The following LRRC56 variants were observed in gnomAD, a reference collection of about 807,000 sequenced individuals.
LRRC56 encodes leucine rich repeat containing 56.
In LRRC56, 41 loss-of-function variants were observed where a neutral mutation model predicts 47.8. The ratio of observed to expected loss-of-function variants is 0.86; its 90% CI spans 0.67 to 1.11. The LOEUF is 1.11. LRRC56 is among the 50% of genes most tolerant of loss of function. LRRC56 has a pLI of 0.00. For missense variants in LRRC56, 759 were observed against 704.2 expected (o/e 1.08, Z -0.88); for synonymous variants, 387 against 311.2 (o/e 1.24, Z -2.56).
chr11:553,315 G>A (rs1363194789), intron 13 of LRRC56, among the ~76,000 whole-genome samples: 2 of 152,136 alleles, frequency 1.3e-5, no homozygotes, highest in East Asian at 1.9e-4. Context: ...GCGACCCCAC[G>A]GTGGGCAGCT....
chr11:546,241 C>A (rs932404895), intron 6 of LRRC56, among the ~76,000 whole-genome samples: 24 of 151,654 alleles, frequency 1.6e-4, no homozygotes, highest in African/African-American at 5.6e-4. Flanking sequence ...CCACTACACT[C>A]CAGCCGGGGC....
rs947648107 is a variant in LRRC56, at chr11:537,624, C to T, written c.-422+19C>T. On this transcript the variant is annotated intron_variant, in intron 1 of 13. Coordinates refer to ENST00000270115, the MANE Select transcript of LRRC56 (RefSeq NM_198075.4). ...CCCTCAGGTGAGAGCCGAGCGCACC[C>T]TTGGGGTGGGAGCCGCAAGCCTCGC... 6.6e-6 allele frequency: 1 copy of T among 152,070 alleles called. No homozygotes were observed. The highest frequency in any genetic ancestry group is 1.5e-5 in the Non-Finnish European group (1 of 67,938). The allele number at this position is 152,070 out of a possible 1,614,324, so 9.4% of individuals were successfully genotyped here.
chr11:548,787 G>A (rs908112367), intron 6 of LRRC56, among the ~76,000 whole-genome samples: 1 of 152,092 alleles, frequency 6.6e-6, no homozygotes, highest in Non-Finnish European at 1.5e-5. Context: ...CAGAAATAAC[G>A]AAGTGCTCCT....
At chr11:524,679 A>C in the LRRC56 span, among the ~76,000 whole-genome samples, 1 of 151,858 alleles carries the variant, frequency 6.6e-6, no homozygotes. Flanking sequence ...GAGAAAGGAA[A>C]ATCTTTTCAA....
At position 551,674 on chromosome 11, in the gene LRRC56, C is replaced by T. The variant is rs370046508; in HGVS notation, c.820C>T (p.Arg274Trp). 9 of 1,589,274 alleles carry T rather than the reference C, an allele frequency of 5.7e-6. No individual in the cohort carries two copies. Among genetic ancestry groups the T allele is most frequent in the African/African-American group, 4.1e-5 (3 of 73,848 alleles). ...PLDCPRGAPI[R>W]RLDPELSLPE... ...AGACTGTCCCCGTGGAGCCCCCATC[C>T]GGAGACTTGACCCCGAGCTGTCCCT... The change falls in exon 10 of 14, where the codon CGG (arginine) becomes TGG (tryptophan). Residue 274 changes from arginine (R) to tryptophan (W), a missense_variant. Transcript: ENST00000270115.
At chr11:533,436 G>C (rs367869009), upstream of LRRC56, 1 of 1,612,328 alleles carries the variant, frequency 6.2e-7, no homozygotes, top group Non-Finnish European at 8.5e-7. Context: ...TAGCTGTGGG[G>C]TGGAGAGCTG....
At chr11:523,825 G>A in the LRRC56 span, among the ~76,000 whole-genome samples, 1 of 152,118 alleles carries the variant, frequency 6.6e-6, no homozygotes, top group Non-Finnish European at 1.5e-5. Context: ...CTACTCAGGA[G>A]GCTAAGGCAG....
chr11:520,327 AT>A, the LRRC56 span, among the ~76,000 whole-genome samples: 46 of 142,604 alleles, frequency 3.2e-4, no homozygotes, highest in African/African-American at 5.1e-4. Context: ...TTTATTACTG[AT>A]TTTTTTTTTT....
rs769535667 is a variant in LRRC56, at chr11:541,506, AC to A, written c.178-29del. ...TGGAACTAAAGTGGGGAGAGCCAGG[AC>A]CAGCGCTGACCCCCGGTTGGTTTCT... On this transcript the variant is annotated intron_variant, in intron 4 of 13. Transcript: ENST00000270115. The surrounding 1 kb of genome is among the most constrained non-coding windows in gnomAD (Gnocchi z 4.1). The A allele has an allele frequency of 7.4e-7, 1 of 1,357,800 alleles. No homozygotes were observed. The highest frequency in any genetic ancestry group is 1.0e-6 in the Non-Finnish European group (1 of 992,526). 84.1% of individuals were successfully genotyped at this position (1,357,800 alleles called of 1,614,324 possible). A position where few individuals can be genotyped will look rare whatever the true frequency, so the allele number is the denominator to read the frequency against.
chr11:538,080 G>A (rs563844438), intron 1 of LRRC56, among the ~76,000 whole-genome samples: 5 of 152,298 alleles, frequency 3.3e-5, no homozygotes, highest in African/African-American at 7.2e-5. Context: ...GAGCAGGGCC[G>A]TGAAGTGTGT....
At chr11:518,841 C>A in the LRRC56 span, among the ~76,000 whole-genome samples, 2 of 151,944 alleles carry the variant, frequency 1.3e-5, no homozygotes, top group Non-Finnish European at 2.9e-5. Flanking sequence ...GGAGCCGCCC[C>A]GAACGCGCGA....
chr11:551,931 C>G lies in LRRC56; in HGVS notation c.1002C>G (p.Pro334=), dbSNP rs1261309597. The change falls in exon 11 of 14, where the codon CCC becomes CCG. Residue 334 remains proline, a synonymous_variant. Transcript: ENST00000270115. ...CTGGCCAAGTCCTCTGTGGGAACCC[C>G]ACCAAGGGCCTGCGGGAGCGTAGGC... ...HGAGQVLCGN[P]TKGLRERRHQ... is the part of the protein sequence containing the mutation. 6.2e-7 allele frequency: 1 copy of G among 1,612,648 alleles called. No individual in the cohort carries two copies. Among genetic ancestry groups the G allele is most frequent in the Admixed American group, 1.7e-5 (1 of 59,998 alleles).
At chr11:509,270 G>A in the LRRC56 span, among the ~76,000 whole-genome samples, 2 of 152,218 alleles carry the variant, frequency 1.3e-5, no homozygotes, top group African/African-American at 4.8e-5. Flanking sequence ...CCGCCAGTCT[G>A]ACTCCTGGAC....
the LRRC56 span, among the ~76,000 whole-genome samples, chr11:508,331 G>A: frequency 2.0e-5 from 3 of 152,128 alleles, no homozygotes; most frequent in African/African-American, 7.2e-5. Flanking sequence ...CTGGCTAATT[G>A]TTGTATTTTA....
At chr11:508,885 A>C in the LRRC56 span, among the ~76,000 whole-genome samples, 1 of 151,716 alleles carries the variant, frequency 6.6e-6, no homozygotes, top group East Asian at 1.9e-4. Flanking sequence ...CTCTACTAAA[A>C]TTACAAAAAC....
the LRRC56 span, among the ~76,000 whole-genome samples, chr11:519,317 A>G: frequency 8.3e-6 from 1 of 120,336 alleles, no homozygotes; most frequent in Non-Finnish European, 1.8e-5. Context: ...GGGCTGATAC[A>G]CAGGTGAGCT....
the LRRC56 span, chr11:528,549 C>A: frequency 9.2e-5 from 14 of 152,292 alleles, no homozygotes; most frequent in East Asian, 2.3e-3. Flanking sequence ...TTACAGAAGA[C>A]CTGAGTCCAC....
chr11:516,057 A>G, the LRRC56 span, among the ~76,000 whole-genome samples: 1 of 152,086 alleles, frequency 6.6e-6, no homozygotes, highest in Admixed American at 6.6e-5. Context: ...CTATTTGTCT[A>G]TCCTGTTACC....
At chr11:533,699 C>T (rs2133988967), upstream of LRRC56, 1 of 1,611,424 alleles carries the variant, frequency 6.2e-7, no homozygotes, top group Admixed American at 1.7e-5. Flanking sequence ...GAGGCCCCTG[C>T]CTGGACGCAG....
Sources: gnomAD v4.1 joint callset for allele counts (sites outside exome capture counted in the v4.1 genomes callset) on GRCh38, gnomAD v4.1.1 for gene constraint, Gnocchi (gnomAD v3.1) non-coding constraint, MANE v1.5 for transcripts, NCBI Gene and HGNC (gene_info 2026-07-23, HGNC 2026-07-21) for gene names.